Variants in DMC1 observed in about 807,000 individuals in gnomAD.
DMC1 encodes DNA meiotic recombinase 1, also known as meiotic recombination protein DMC1 homolog.
Under a neutral mutation model 50.1 loss-of-function variants are expected in DMC1, and 27 were observed. The observed-to-expected ratio is 0.54, with a 90% CI of 0.40 to 0.74. The LOEUF is 0.74. Ranked by LOEUF, DMC1 falls within the 30% of genes least tolerant of loss-of-function variation. DMC1 has a pLI of 0.00. For missense variants in DMC1, 295 were observed against 420.2 expected, an observed-to-expected ratio of 0.70 and a Z score of 2.60; for synonymous variants, 148 against 136.1, an observed-to-expected ratio of 1.09 and a Z score of -0.61.
rs577121408 is a variant in DMC1 at position 38,560,519 on chromosome 22, C to A, written c.326+1768G>T. 6.1e-3 allele frequency among the ~76,000 whole-genome samples: 900 copies of A among 148,026 alleles called. 12 individuals are homozygous for A. The highest frequency in any genetic ancestry group is 6.5e-3 in the Non-Finnish European group (433 of 66,922). On this transcript the variant is annotated intron_variant, in intron 5 of 13. Transcript: ENST00000216024. ...CTCTTTAGTGAATTAAAAAAAAAAA[C>A]AAAACAGTAGGGGCAAGGTCTCAAG...
intron 5 of DMC1, 114 bp from the exon 6 acceptor site, chr22:38,555,523 A>G (rs903685875): frequency 3.0e-5 from 21 of 702,640 alleles, no homozygotes; most frequent in African/African-American, 2.9e-4. Context: ...TATCTATTCT[A>G]TCATCTACCT....
At position 38,532,193 on chromosome 22, in the gene DMC1, T is replaced by G. The variant is rs147298721; in HGVS notation, c.836+5399A>C. 3.9e-4 allele frequency among the ~76,000 whole-genome samples: 60 copies of G among 152,350 alleles called. 1 individual carries two copies. In the Middle Eastern group the frequency reaches 0.014, roughly 35 times the overall value. ...TCTCTTTGTGAAGCACTTCATGTCC[T>G]GTGTATGAAAGTCATCCCATAAAAC... On this transcript the variant is annotated intron_variant, in intron 12 of 13. Coordinates refer to ENST00000216024, the MANE Select transcript of DMC1 (RefSeq NM_007068.4).
chr22:38,535,074 T>C (rs1312781720), intron 12 of DMC1, among the ~76,000 whole-genome samples: 1 of 150,788 alleles, frequency 6.6e-6, no homozygotes, highest in Non-Finnish European at 1.5e-5. Flanking sequence ...CCGGGGCAGG[T>C]GGATCGTGAG....
intron 8 of DMC1, among the ~76,000 whole-genome samples, chr22:38,544,706 A>G (rs1438107453): frequency 6.6e-6 from 1 of 151,256 alleles, no homozygotes; most frequent in Non-Finnish European, 1.5e-5. Flanking sequence ...GCTCACTGCA[A>G]CCTCCACCTC....
At chr22:38,558,446 G>A (rs558868578) in intron 5 of DMC1, among the ~76,000 whole-genome samples, 1 of 151,708 alleles carries the variant, frequency 6.6e-6, no homozygotes, top group Non-Finnish European at 1.5e-5. Flanking sequence ...TGGGCGCAGT[G>A]GCTCACATCT....
chr22:38,520,461 C>T (rs2090012493), intron 13 of DMC1, among the ~76,000 whole-genome samples: 1 of 151,876 alleles, frequency 6.6e-6, no homozygotes, highest in Non-Finnish European at 1.5e-5. Flanking sequence ...GGGTTCAAGC[C>T]ATTCTCCTGC....
the DMC1 span, among the ~76,000 whole-genome samples, chr22:38,510,075 C>T: frequency 2.6e-5 from 4 of 151,772 alleles, no homozygotes; most frequent in Non-Finnish European, 2.9e-5. Flanking sequence ...ATTAGCTGGG[C>T]GTGATGGCGC....
At chr22:38,562,512 A>G in intron 4 of DMC1, 143 bp from the exon 5 acceptor site, 1 of 654,062 alleles carries the variant, frequency 1.5e-6, no homozygotes, top group Admixed American at 2.5e-5. Flanking sequence ...AGGCAGTACA[A>G]GATTATGGTT....
Position 38,570,038 on chromosome 22 carries a change from C to CT in DMC1, c.-34+4dup, listed in dbSNP as rs901787769. The CT allele has an allele frequency of 7.2e-5, 11 of 152,226 alleles. No individual in the cohort carries two copies. Among genetic ancestry groups the CT allele is most frequent in the Non-Finnish European group, 1.5e-4 (10 of 68,054 alleles). 9.4% of individuals were successfully genotyped at this position (152,226 alleles called of 1,614,324 possible). ...CTTCGCACGCTGTTCGTTTTTGCCA[C>CT]TTACCCCCCTCGTACCCACAGTCTC... On this transcript the variant is annotated splice_donor_region_variant and intron_variant, in intron 1 of 13. Transcript: ENST00000216024.
intron 12 of DMC1, among the ~76,000 whole-genome samples, chr22:38,529,104 A>G (rs932970037): frequency 2.0e-4 from 31 of 151,760 alleles, no homozygotes; most frequent in African/African-American, 7.5e-4. Flanking sequence ...TCCGCCTCCC[A>G]GGTTCAAGCG....
intron 12 of DMC1, among the ~76,000 whole-genome samples, chr22:38,523,422 G>C (rs966316432): frequency 1.3e-5 from 2 of 152,192 alleles, no homozygotes; most frequent in African/African-American, 4.8e-5. Flanking sequence ...GGCTGCTTGA[G>C]ACCCTGAGGA....
At chr22:38,514,243 ATTCT>A (rs2089960860), downstream of DMC1, among the ~76,000 whole-genome samples, 1 of 106,966 alleles carries the variant, frequency 9.3e-6, no homozygotes, top group African/African-American at 3.5e-5. Context: ...GAGGTTAGGT[ATTCT>A]TTTTTTTTTT....
At chr22:38,543,955 G>C (rs1271205047) in intron 8 of DMC1, among the ~76,000 whole-genome samples, 1 of 152,086 alleles carries the variant, frequency 6.6e-6, no homozygotes, top group African/African-American at 2.4e-5. Context: ...CAGCAGTAGG[G>C]GCTACTTGAG....
intron 8 of DMC1, among the ~76,000 whole-genome samples, chr22:38,540,773 AGACAGG>A (rs1791389721): frequency 6.6e-6 from 1 of 152,222 alleles, no homozygotes; most frequent in African/African-American, 2.4e-5. Context: ...TGGACAAGTT[AGACAGG>A]GAATTGGAAG....
At chr22:38,540,227 G>A (rs1026626273) in intron 8 of DMC1, among the ~76,000 whole-genome samples, 11 of 152,050 alleles carry the variant, frequency 7.2e-5, no homozygotes, top group Admixed American at 6.6e-4. Flanking sequence ...TGTATTTTTA[G>A]TGGAGACGGG....
At chr22:38,527,720 T>C (rs1443675246) in intron 12 of DMC1, among the ~76,000 whole-genome samples, 1 of 151,934 alleles carries the variant, frequency 6.6e-6, no homozygotes, top group Non-Finnish European at 1.5e-5. Flanking sequence ...GGTTTTGCCA[T>C]GTTAGTCAGG....
the DMC1 span, among the ~76,000 whole-genome samples, chr22:38,510,283 G>A: frequency 2.0e-3 from 305 of 152,144 alleles, 2 homozygotes; most frequent in African/African-American, 7.0e-3. Context: ...GTGAAACCCC[G>A]TCTCTACTAA....
the DMC1 span, among the ~76,000 whole-genome samples, chr22:38,512,798 T>C: frequency 6.6e-6 from 1 of 152,066 alleles, no homozygotes; most frequent in Non-Finnish European, 1.5e-5. Context: ...AGAAAGACAT[T>C]AGGGGCTGAG....
rs996254937 is a variant in DMC1, at chr22:38,539,368, T to C, written c.539A>G (p.Asp180Gly). ...TACGTTGTCCAGTACTGCATCATGG[T>C]CTACATTAAAGCGATCAGCAATGTC... ...LRDIADRFNVDHDAVLDNVLY... is the reference protein window; with the variant it reads ...LRDIADRFNVGHDAVLDNVLY... The change falls in exon 9 of 14, where the codon GAC (aspartate) becomes GGC (glycine). Residue 180 changes from aspartate (D) to glycine (G), a missense_variant. Asp to Gly is a moderately conservative substitution (Grantham distance 94, BLOSUM62 -1). Transcript: ENST00000216024. 1 of 1,614,060 alleles carries C rather than the reference T, an allele frequency of 6.2e-7. No individual in the cohort carries two copies. Among genetic ancestry groups the C allele is most frequent in the Admixed American group, 1.7e-5 (1 of 59,994 alleles).
Sources: allele counts gnomAD v4.1 joint callset (sites outside exome capture counted in the v4.1 genomes callset), GRCh38; gene constraint gnomAD v4.1.1; transcripts MANE v1.5; gene names NCBI Gene and HGNC (gene_info 2026-07-23, HGNC 2026-07-21).